NT5C3A: variants seen among roughly 807,000 people sequenced by gnomAD.
NT5C3A encodes the protein cytosolic 5'-nucleotidase 3A.
Under a neutral mutation model 40.0 loss-of-function variants are expected in NT5C3A, and 23 were observed. The observed-to-expected ratio is 0.58, with a 90% confidence interval of 0.41 to 0.81. The LOEUF (loss-of-function observed/expected upper bound fraction) is 0.81. NT5C3A is among the 40% of genes least tolerant of loss of function. The pLI is 0.00. For missense variants in NT5C3A, 328 were observed against 403.0 expected (o/e 0.81, Z 1.59); for synonymous variants, 130 against 141.4 (o/e 0.92, Z 0.57).
At chr7:33,036,912 A>G (rs1356679607) in intron 1 of NT5C3A, among the ~76,000 whole-genome samples, 1 of 152,066 alleles carries the variant, frequency 6.6e-6, no homozygotes, top group African/African-American at 2.4e-5. Context: ...CCCGGGTTCA[A>G]GTGATTCTCC....
intron 1 of NT5C3A, among the ~76,000 whole-genome samples, chr7:33,055,230 C>T (rs2128018790): frequency 6.6e-6 from 1 of 151,866 alleles, no homozygotes; most frequent in African/African-American, 2.4e-5. Context: ...GAGACTGAGG[C>T]ATGAGAATTG....
intron 1 of NT5C3A, among the ~76,000 whole-genome samples, chr7:33,059,194 C>T (rs1787689265): frequency 6.6e-6 from 1 of 152,178 alleles, no homozygotes; most frequent in Admixed American, 6.6e-5. Flanking sequence ...TATTTCTAGC[C>T]TCAATTTATC....
At chr7:33,041,044 C>T (rs1786889301) in intron 1 of NT5C3A, 2 of 985,404 alleles carry the variant, frequency 2.0e-6, no homozygotes, top group Non-Finnish European at 2.4e-6. Flanking sequence ...TTGGTTACAG[C>T]CTCGCTAGCT....
At chr7:33,050,758 A>C (rs1358721693) in intron 1 of NT5C3A, among the ~76,000 whole-genome samples, 2 of 152,374 alleles carry the variant, frequency 1.3e-5, no homozygotes, top group East Asian at 3.9e-4. Flanking sequence ...AAATGACAAA[A>C]TGGCATTTAA....
intron 1 of NT5C3A, among the ~76,000 whole-genome samples, chr7:33,048,551 A>G (rs1787245979): frequency 6.6e-6 from 1 of 152,214 alleles, no homozygotes; most frequent in African/African-American, 2.4e-5. Context: ...AGGGGATTCA[A>G]AAGTGGGTAA....
chr7:33,030,791 T>C (rs1786204743), intron 1 of NT5C3A, among the ~76,000 whole-genome samples: 1 of 152,162 alleles, frequency 6.6e-6, no homozygotes. Context: ...GTGGATACAC[T>C]GGGATAAGAT....
chr7:33,058,213 G>T (rs893922038), intron 1 of NT5C3A, among the ~76,000 whole-genome samples: 1 of 152,066 alleles, frequency 6.6e-6, no homozygotes, highest in Non-Finnish European at 1.5e-5. Context: ...CAGATTAACT[G>T]GATAGAAGTA....
At chr7:33,017,671 A>G in intron 6 of NT5C3A, 70 bp from the exon 7 acceptor site, 1 of 1,191,200 alleles carries the variant, frequency 8.4e-7, no homozygotes, top group Non-Finnish European at 1.3e-6. Context: ...AGAAGCTAAA[A>G]AAGTGAAATA....
intron 1 of NT5C3A, among the ~76,000 whole-genome samples, chr7:33,034,187 G>A (rs1786455785): frequency 2.0e-5 from 3 of 151,940 alleles, no homozygotes; most frequent in South Asian, 2.1e-4. Flanking sequence ...CACCGCGCCC[G>A]GCCAGACCTA....
At chr7:33,024,171 G>T in intron 2 of NT5C3A, 63 bp from the exon 3 acceptor site, 1 of 914,906 alleles carries the variant, frequency 1.1e-6, no homozygotes, top group South Asian at 1.3e-5. Flanking sequence ...ATTTCTCTGT[G>T]CTACCCAAAC....
intron 1 of NT5C3A, chr7:33,035,993 A>AT (rs1487982031): frequency 6.2e-7 from 1 of 1,612,034 alleles, no homozygotes; most frequent in Non-Finnish European, 8.5e-7. Context: ...AATCTTCTGG[A>AT]TTTTCCCAGG....
intron 1 of NT5C3A, among the ~76,000 whole-genome samples, chr7:33,057,799 A>C (rs1159264782): frequency 6.6e-6 from 1 of 152,194 alleles, no homozygotes; most frequent in East Asian, 1.9e-4. Context: ...TTTAAATTGG[A>C]AATGACCATT....
intron 7 of NT5C3A, 191 bp from the exon 8 acceptor site, chr7:33,016,061 T>A (rs1257586789): frequency 4.6e-5 from 27 of 583,914 alleles, no homozygotes. Context: ...AAGTAAATGA[T>A]TTTTTAGATA....
intron 1 of NT5C3A, among the ~76,000 whole-genome samples, chr7:33,037,524 T>C (rs1342311030): frequency 6.6e-6 from 1 of 152,224 alleles, no homozygotes; most frequent in Non-Finnish European, 1.5e-5. Context: ...GTGTTCTTTA[T>C]AATTAAAAGG....
At chr7:33,041,203 C>T (rs1386268342) in intron 1 of NT5C3A, 52 of 926,472 alleles carry the variant, frequency 5.6e-5, no homozygotes, top group Non-Finnish European at 6.6e-5. Flanking sequence ...ACATTCCTTT[C>T]CACCTGGTTT....
intron 1 of NT5C3A, among the ~76,000 whole-genome samples, chr7:33,048,983 T>C (rs757511634): frequency 1.3e-5 from 2 of 152,204 alleles, no homozygotes; most frequent in Non-Finnish European, 2.9e-5. Context: ...AAATTAGCTT[T>C]ATTAACAGAA....
Position 33,026,846 on chromosome 7 carries a change from G to T in NT5C3A, c.208C>A (p.Leu70Ile). 1 of 1,611,796 alleles carries T rather than the reference G, an allele frequency of 6.2e-7. No individual in the cohort carries two copies. Among genetic ancestry groups the T allele is most frequent in the South Asian group, 1.1e-5 (1 of 91,014 alleles). The change falls in exon 2 of 9, where the codon CTT becomes ATT. Residue 70 changes from leucine to isoleucine, a missense_variant. Physicochemically the swap from Leu to Ile is conservative, Grantham distance 5. Coordinates refer to ENST00000610140, the MANE Select transcript of NT5C3A (RefSeq NM_001002010.5). The stretch of plus-strand genomic sequence containing the variant: ...AGTTTGGCAGCTCCTCCTTTGATAA[G>T]ACCACAGATAATTTCTTCTACTCTT... ...PTRVEEIICG[L>I]IKGGAAKLQI... is the part of the protein sequence containing the mutation.
intron 1 of NT5C3A, among the ~76,000 whole-genome samples, chr7:33,048,242 CT>C (rs1349780495): frequency 2.6e-5 from 4 of 151,158 alleles, no homozygotes; most frequent in African/African-American, 9.7e-5. Context: ...ATGAGGTCCC[CT>C]TATTTTGCCC....
rs1274152702 is a variant in NT5C3A, at chr7:33,062,771, G to A, written c.-66C>T. 5.2e-6 allele frequency: 8 copies of A among 1,546,654 alleles called. No homozygotes were observed. Among genetic ancestry groups the A allele is most frequent in the African/African-American group, 1.4e-5 (1 of 72,210 alleles). On this transcript the variant is annotated 5_prime_UTR_variant, in exon 1 of 9. Coordinates refer to ENST00000610140, the MANE Select transcript of NT5C3A (RefSeq NM_001002010.5). ...GCAGCTCGCGTAGACTGCGAGTCTC[G>A]GAAGCGCGGGATCCCAGAGCATCAC...
Sources: gnomAD v4.1 joint callset for allele counts (sites outside exome capture counted in the v4.1 genomes callset) on GRCh38, gnomAD v4.1.1 for gene constraint, MANE v1.5 for transcripts, NCBI Gene and HGNC (gene_info 2026-07-23, HGNC 2026-07-21) for gene names.